TP53BP2: variants seen among roughly 807,000 people sequenced by gnomAD.
TP53BP2 encodes the protein apoptosis-stimulating of p53 protein 2.
A neutral mutation model predicts 126.2 loss-of-function variants in TP53BP2; 62 were observed. The ratio of observed to expected loss-of-function variants is 0.49; its 90% CI spans 0.40 to 0.61. The LOEUF (loss-of-function observed/expected upper bound fraction) is 0.61. Ranked by LOEUF, TP53BP2 falls within the 20% of genes least tolerant of loss-of-function variation. TP53BP2 has a pLI of 0.00. For synonymous variants in TP53BP2, 485 were observed against 502.9 expected, an observed-to-expected ratio of 0.96 and a Z score of 0.48; for missense variants, 1,215 against 1,402.8, an observed-to-expected ratio of 0.87 and a Z score of 2.14.
At chr1:223,821,532 G>A in intron 1 of TP53BP2, 165 bp from the exon 2 acceptor site, 1 of 878,882 alleles carries the variant, frequency 1.1e-6, no homozygotes, top group Non-Finnish European at 1.9e-6. Flanking sequence ...GGGGGTTGAG[G>A]GAGACCTGGA....
rs1241089774 is a variant in TP53BP2 at position 223,803,559 on chromosome 1, A to T, written c.650-107T>A. 9 of 1,072,044 alleles carry T rather than the reference A, an allele frequency of 8.4e-6. No homozygotes were observed. The East Asian group carries it at 2.2e-4, about 26-fold the overall frequency. 66.4% of individuals were successfully genotyped at this position (1,072,044 alleles called of 1,614,324 possible). ...GAACTTTCTAATAAACAGTAGAAAA[A>T]TTTTTCAGAATGTCCTGGAAGCAAC... On this transcript the variant is annotated intron_variant, in intron 6 of 17. Transcript: ENST00000343537.
intron 4 of TP53BP2, 82 bp downstream of exon 4, chr1:223,810,349 C>A (rs1662869371): frequency 3.8e-6 from 4 of 1,049,838 alleles, no homozygotes. Flanking sequence ...CATTGAATAA[C>A]AAAGTAATAA....
At chr1:223,805,259 G>GA (rs56694177) in intron 5 of TP53BP2, among the ~76,000 whole-genome samples, 25,576 of 149,704 alleles carry the variant, frequency 0.17, 3,411 homozygotes, top group African/African-American at 0.36. Context: ...CATCTCAAAA[G>GA]AAAAAAAAAC....
Position 223,845,640 on chromosome 1 carries a change from G to A in TP53BP2, c.27+14C>T, listed in dbSNP as rs1317914464. On this transcript the variant is annotated intron_variant, in intron 1 of 17. Coordinates refer to ENST00000343537, the MANE Select transcript of TP53BP2 (RefSeq NM_001031685.3). ...CACTTCCGGGCCCGACGCCCTGGCC[G>A]CTCGCCCACTTACCGGCATCATCTT... 2.6e-6 allele frequency: 4 copies of A among 1,550,958 alleles called. No homozygotes were observed. The highest frequency in any genetic ancestry group is 2.8e-5 in the African/African-American group (2 of 70,358).
intron 16 of TP53BP2, among the ~76,000 whole-genome samples, chr1:223,786,669 T>G (rs1017577038): frequency 3.3e-5 from 5 of 151,298 alleles, no homozygotes; most frequent in Non-Finnish European, 5.9e-5. Context: ...TGCAGTGGCG[T>G]GATCTCAGCT....
chr1:223,813,197 G>A (rs898300090), intron 3 of TP53BP2, among the ~76,000 whole-genome samples: 1 of 151,888 alleles, frequency 6.6e-6, no homozygotes. Flanking sequence ...TGACTCCCTT[G>A]TTCTCTCCAC....
chr1:223,821,096 G>T, intron 2 of TP53BP2, 124 bp downstream of exon 2: 1 of 1,228,448 alleles, frequency 8.1e-7, no homozygotes. Context: ...CACTATTTCT[G>T]CCGGACGTGC....
chr1:223,843,101 C>A (rs1031462499), intron 1 of TP53BP2, among the ~76,000 whole-genome samples: 1 of 152,224 alleles, frequency 6.6e-6, no homozygotes, highest in South Asian at 2.1e-4. Flanking sequence ...ATCCAATTAT[C>A]ACTTCATGTC....
chr1:223,802,375 T>TA (rs758047936), intron 8 of TP53BP2, 31 bp from the exon 9 acceptor site: 1 of 1,583,638 alleles, frequency 6.3e-7, no homozygotes, highest in South Asian at 1.1e-5. Context: ...CCTTTAGTAT[T>TA]AAAAATCATC....
At chr1:223,843,007 A>G (rs1664153343) in intron 1 of TP53BP2, among the ~76,000 whole-genome samples, 1 of 152,190 alleles carries the variant, frequency 6.6e-6, no homozygotes, top group Non-Finnish European at 1.5e-5. Flanking sequence ...GCAGTACCCT[A>G]TCATTATCTC....
rs1227350930 is a variant in TP53BP2 at position 223,837,158 on chromosome 1, G to GC, written c.27+8495_27+8496insG. On this transcript the variant is annotated intron_variant, in intron 1 of 17. Transcript: ENST00000343537. ...TTGTTTTAAAATTAAAAAAAAAAGG[G>GC]GGGGGGCGGGGGGTCAAGGAACTTT... is the stretch of plus-strand genomic sequence containing the variant. Among the ~76,000 whole-genome samples, 136 of 139,030 alleles carry GC rather than the reference G, an allele frequency of 9.8e-4. 1 individual carries two copies. The highest frequency in any genetic ancestry group is 1.4e-3 in the Non-Finnish European group (87 of 64,126). The allele number at this position is 139,030 out of a possible 152,430, so 91.2% of individuals were successfully genotyped here.
At chr1:223,789,488 G>A (rs1420794394) in intron 15 of TP53BP2, among the ~76,000 whole-genome samples, 1 of 152,128 alleles carries the variant, frequency 6.6e-6, no homozygotes, top group Non-Finnish European at 1.5e-5. Flanking sequence ...TATTAACATG[G>A]ATTTAGTTCT....
At chr1:223,831,478 AAAATATATAT>A (rs1258107407) in intron 1 of TP53BP2, among the ~76,000 whole-genome samples, 524 of 43,602 alleles carry the variant, frequency 0.012, 8 homozygotes, top group Middle Eastern at 0.025. Context: ...AAAAAAAAAA[AAAATATATAT>A]ATATATATAT....
At position 223,814,260 on chromosome 1, in the gene TP53BP2, C is replaced by CG. The variant is rs1663009749; in HGVS notation, c.268dup (p.Arg90ProfsTer28). On this transcript the variant is annotated frameshift_variant, in exon 3 of 18. Coordinates refer to ENST00000343537, the MANE Select transcript of TP53BP2 (RefSeq NM_001031685.3). LOFTEE classifies it high-confidence loss of function. Reference sequence around the variant, plus strand: ...CCTACCAATGTCCCTGCCAGGGGGGCGTTCATGACGAAGGAAGAAGCGAAC... The same window carrying CG: ...CCTACCAATGTCCCTGCCAGGGGGGCGGTTCATGACGAAGGAAGAAGCGAAC... 6 of 1,613,320 alleles carry CG rather than the reference C, an allele frequency of 3.7e-6. No homozygotes were observed. The highest frequency in any genetic ancestry group is 5.1e-6 in the Non-Finnish European group (6 of 1,179,450).
At chr1:223,839,284 G>A (rs1402689171) in intron 1 of TP53BP2, among the ~76,000 whole-genome samples, 1 of 152,194 alleles carries the variant, frequency 6.6e-6, no homozygotes, top group African/African-American at 2.4e-5. Flanking sequence ...TTGAATGAGA[G>A]TGGGAAGATC....
At chr1:223,789,840 C>T (rs73127405) in intron 15 of TP53BP2, among the ~76,000 whole-genome samples, 5,881 of 152,022 alleles carry the variant, frequency 0.039, 370 homozygotes, top group African/African-American at 0.13. Context: ...TATAAATGAC[C>T]CTAGAGTAAT....
At chr1:223,831,399 CAA>C (rs530821786) in intron 1 of TP53BP2, among the ~76,000 whole-genome samples, 5 of 64,968 alleles carry the variant, frequency 7.7e-5, no homozygotes, top group Non-Finnish European at 1.5e-4. Flanking sequence ...CGCTGTCTCC[CAA>C]AAAAAAAAAA....
intron 1 of TP53BP2, among the ~76,000 whole-genome samples, chr1:223,827,606 G>T (rs1316078903): frequency 6.6e-6 from 1 of 152,208 alleles, no homozygotes; most frequent in Admixed American, 6.5e-5. Context: ...AGGGTAAAAG[G>T]AGTGTTTTGT....
intron 1 of TP53BP2, among the ~76,000 whole-genome samples, chr1:223,838,198 A>G (rs1314204588): frequency 6.6e-6 from 1 of 152,080 alleles, no homozygotes; most frequent in Non-Finnish European, 1.5e-5. Flanking sequence ...TCTCCCATTA[A>G]GCACTATGAA....
Sources: gnomAD v4.1 joint callset for allele counts (sites outside exome capture counted in the v4.1 genomes callset) on GRCh38, gnomAD v4.1.1 for gene constraint, MANE v1.5 for transcripts, NCBI Gene and HGNC (gene_info 2026-07-23, HGNC 2026-07-21) for gene names.